The following VSIG1 variants were observed in gnomAD, a reference collection of about 807,000 sequenced individuals.
VSIG1 encodes V-set and immunoglobulin domain-containing protein 1.
In VSIG1, 11 loss-of-function variants were observed where a neutral mutation model predicts 20.1. The observed-to-expected ratio is 0.55, with a 90% CI of 0.34 to 0.91. VSIG1 has a LOEUF of 0.91. Ranked by LOEUF, VSIG1 falls within the 40% of genes least tolerant of loss-of-function variation. The probability of loss-of-function intolerance (pLI) is 0.02; values close to 1 mark genes in which losing one functional copy is unlikely to be tolerated. For missense variants in VSIG1, 283 were observed against 298.8 expected (o/e 0.95, Z 0.39); for synonymous variants, 126 against 116.7 (o/e 1.08, Z -0.52).
chrX:108,019,856 G>A, the VSIG1 span, among the ~76,000 whole-genome samples: 1 of 111,429 alleles, frequency 9.0e-6, no homozygotes, highest in Admixed American at 9.5e-5. Flanking sequence ...GGCCAGCAAG[G>A]ATTGGGGGAC....
chrX:108,029,902 G>A, the VSIG1 span, among the ~76,000 whole-genome samples: 2 of 111,532 alleles, frequency 1.8e-5, no homozygotes, highest in African/African-American at 3.3e-5. Flanking sequence ...AAGAAATAGA[G>A]TTTGATAGAA....
chrX:108,026,536 A>G, the VSIG1 span, among the ~76,000 whole-genome samples: 1 of 111,341 alleles, frequency 9.0e-6, no homozygotes, highest in Non-Finnish European at 1.9e-5. Context: ...TGCTAAAATC[A>G]TAAACCAAAC....
intron 2 of VSIG1, among the ~76,000 whole-genome samples, chrX:108,064,434 C>T (rs926958017): frequency 8.9e-6 from 1 of 111,740 alleles, no homozygotes; most frequent in Non-Finnish European, 1.9e-5. Flanking sequence ...GGCCTCATTG[C>T]TTATATACTC....
intron 1 of VSIG1, among the ~76,000 whole-genome samples, chrX:108,056,159 T>C (rs1201349716): frequency 1.8e-5 from 2 of 111,748 alleles, no homozygotes; most frequent in African/African-American, 3.3e-5. Flanking sequence ...CTTAATTACA[T>C]CTGCAAAAAC....
At chrX:108,062,814 A>C (rs1569290617) in intron 2 of VSIG1, among the ~76,000 whole-genome samples, 1 of 112,030 alleles carries the variant, frequency 8.9e-6, no homozygotes, top group African/African-American at 3.2e-5. Flanking sequence ...ACAAGAAAGC[A>C]AGAAGCTGGA....
upstream of VSIG1, among the ~76,000 whole-genome samples, chrX:108,042,308 T>G (rs192121659): frequency 1.0e-3 from 112 of 111,926 alleles, 1 homozygote; most frequent in African/African-American, 3.6e-3. Context: ...TCATACCCTC[T>G]GCTGCACTCA....
chrX:108,073,498 C>A, intron 5 of VSIG1, 129 bp downstream of exon 5: 2 of 765,111 alleles, frequency 2.6e-6, no homozygotes, highest in Non-Finnish European at 3.8e-6. Context: ...GCTTTATATA[C>A]AGGCTGATAT....
the VSIG1 span, among the ~76,000 whole-genome samples, chrX:108,032,488 G>A: frequency 9.0e-6 from 1 of 111,632 alleles, no homozygotes; most frequent in Non-Finnish European, 1.9e-5. Flanking sequence ...ACTAAACACA[G>A]TATGTACTGT....
intron 1 of VSIG1, among the ~76,000 whole-genome samples, chrX:108,052,165 G>A (rs192616726): frequency 9.9e-4 from 110 of 111,405 alleles, no homozygotes; most frequent in African/African-American, 3.3e-3. Flanking sequence ...TACACTGTTC[G>A]GGTAATGGGG....
At chrX:108,037,227 TA>T in the VSIG1 span, among the ~76,000 whole-genome samples, 1 of 112,462 alleles carries the variant, frequency 8.9e-6, no homozygotes, top group African/African-American at 3.2e-5. Context: ...TTCAGATTTT[TA>T]AAAAATTATA....
Position 108,077,211 on chromosome X carries a change from C to G in VSIG1, c.994C>G (p.Pro332Ala). Residue 332 changes from proline to alanine, a missense_variant, in exon 7 of 7, where the codon CCT becomes GCT. Coordinates refer to ENST00000217957, the MANE Select transcript of VSIG1 (RefSeq NM_182607.5). ...PKPTQEPAPE[P>A]APGSEPMAVP... ...GCCTACTCAGGAGCCTGCCCCAGAG[C>G]CTGCCCCAGGATCAGAGCCTATGGC... 8.3e-7 allele frequency: 1 copy of G among 1,212,071 alleles called. No individual in the cohort carries two copies. Among genetic ancestry groups the G allele is most frequent in the Non-Finnish European group, 1.1e-6 (1 of 895,621 alleles).
intron 3 of VSIG1, 139 bp downstream of exon 3, chrX:108,067,273 G>C (rs756973753): frequency 1.5e-6 from 1 of 653,910 alleles, no homozygotes; most frequent in South Asian, 2.9e-5. Flanking sequence ...GGGAAATAGA[G>C]ACAAGCCACC....
the VSIG1 span, among the ~76,000 whole-genome samples, chrX:108,033,802 G>A: frequency 9.1e-6 from 1 of 110,171 alleles, no homozygotes; most frequent in Non-Finnish European, 1.9e-5. Context: ...AGACCACAAA[G>A]AGCCAGGGAA....
the VSIG1 span, among the ~76,000 whole-genome samples, chrX:108,032,154 T>C: frequency 3.6e-5 from 4 of 112,664 alleles, no homozygotes; most frequent in Non-Finnish European, 7.5e-5. Flanking sequence ...CCACAAACCC[T>C]GGATAGTGCT....
chrX:108,072,976 G>A (rs991962831), intron 4 of VSIG1, 144 bp downstream of exon 4: 24 of 661,671 alleles, frequency 3.6e-5, no homozygotes, highest in Non-Finnish European at 4.7e-5. Flanking sequence ...GGCTGGTAAT[G>A]TAAAAAGAAT....
At chrX:108,034,937 CCAAA>C in the VSIG1 span, among the ~76,000 whole-genome samples, 1 of 111,549 alleles carries the variant, frequency 9.0e-6, no homozygotes, top group African/African-American at 3.3e-5. Flanking sequence ...AGGACTAAAA[CCAAA>C]CAGACAAATG....
chrX:108,028,723 G>T, the VSIG1 span, among the ~76,000 whole-genome samples: 3 of 111,604 alleles, frequency 2.7e-5, no homozygotes, highest in Non-Finnish European at 5.7e-5. Context: ...ATCTGTATAG[G>T]TTAGGGAGGG....
At chrX:108,069,558 T>G (rs1447265330) in intron 3 of VSIG1, among the ~76,000 whole-genome samples, 2 of 111,187 alleles carry the variant, frequency 1.8e-5, no homozygotes, top group African/African-American at 6.5e-5. Flanking sequence ...AGAGACAGGT[T>G]AATTGTGGGG....
chrX:108,059,412 A>C, intron 2 of VSIG1, among the ~76,000 whole-genome samples: 1 of 111,854 alleles, frequency 8.9e-6, no homozygotes. Context: ...CTCTAGTCCA[A>C]GTTAAACAAT....
Sources: gnomAD v4.1 joint callset for allele counts (sites outside exome capture counted in the v4.1 genomes callset) on GRCh38, gnomAD v4.1.1 for gene constraint, MANE v1.5 for transcripts, NCBI Gene and HGNC (gene_info 2026-07-23, HGNC 2026-07-21) for gene names.